VEZT: variants seen among roughly 807,000 people sequenced by gnomAD.
VEZT encodes vezatin.
VEZT carries 39 observed loss-of-function variants against 79.9 expected under a neutral mutation model. The observed-to-expected ratio is 0.49, with a 90% CI of 0.38 to 0.64. The LOEUF (loss-of-function observed/expected upper bound fraction) is 0.64, where lower values mean the gene tolerates loss of function less well. Ranked by LOEUF, VEZT falls within the 30% of genes least tolerant of loss-of-function variation. The pLI is 0.00. For missense variants in VEZT, 837 were observed against 893.1 expected, an observed-to-expected ratio of 0.94 and a Z score of 0.80; for synonymous variants, 325 against 327.6, an observed-to-expected ratio of 0.99 and a Z score of 0.09.
Position 95,302,504 on chromosome 12 carries a change from C to T in VEZT, c.*1831C>T, listed in dbSNP as rs148610067. 6 of 152,232 alleles carry T rather than the reference C, an allele frequency of 3.9e-5. No individual in the cohort carries two copies. In the East Asian group the frequency reaches 9.6e-4, roughly 24 times the overall value. 9.4% of individuals were successfully genotyped at this position (152,232 alleles called of 1,614,324 possible). The stretch of plus-strand genomic sequence containing the variant: ...TTGAAATTATGACATAAAGATCTTG[C>T]AGCTTTATTTGAGTATTTGTTCTTT... On this transcript the variant is annotated 3_prime_UTR_variant, in exon 12 of 12. Coordinates refer to ENST00000436874, the MANE Select transcript of VEZT (RefSeq NM_017599.4).
chr12:95,256,557 G>C (rs984164215), intron 2 of VEZT: 3 of 1,287,578 alleles, frequency 2.3e-6, no homozygotes, highest in Non-Finnish European at 3.0e-6. Flanking sequence ...CAGTACCTGG[G>C]ATATAGTAAT....
intron 1 of VEZT, among the ~76,000 whole-genome samples, chr12:95,243,716 G>T (rs2061347680): frequency 6.6e-6 from 1 of 152,170 alleles, no homozygotes; most frequent in South Asian, 2.1e-4. Context: ...TAAGAGGTAG[G>T]ACCTAATGGG....
At chr12:95,258,368 A>G (rs1203072980) in intron 3 of VEZT, 6 of 433,450 alleles carry the variant, frequency 1.4e-5, no homozygotes, top group African/African-American at 8.2e-5. Context: ...ATTCTGTGTC[A>G]CTGGCCACAT....
At position 95,266,372 on chromosome 12, in the gene VEZT, A is replaced by G. The variant is rs200065803; in HGVS notation, c.450A>G (p.Leu150=). 6 of 1,613,272 alleles carry G rather than the reference A, an allele frequency of 3.7e-6. No individual in the cohort carries two copies. In the Admixed American group the frequency reaches 5.0e-5, roughly 13 times the overall value. The change falls in exon 5 of 12, where the codon CTA becomes CTG. Residue 150 remains leucine, a synonymous_variant. Transcript: ENST00000436874. ...ATPNIWDLSM[L]FAFISLLVML... The stretch of plus-strand genomic sequence containing the variant: ...TTGTTCCCAGGGATCTCTCAATGCT[A>G]TTTGCCTTCATTAGCTTGCTCGTTA...
chr12:95,232,769 T>A (rs2059441177), intron 1 of VEZT, among the ~76,000 whole-genome samples: 5 of 152,128 alleles, frequency 3.3e-5, no homozygotes, highest in African/African-American at 1.2e-4. Context: ...CATTAGTTTT[T>A]GGGTTGGTTT....
At chr12:95,271,263 C>T (rs2066538825) in intron 6 of VEZT, among the ~76,000 whole-genome samples, 1 of 151,956 alleles carries the variant, frequency 6.6e-6, no homozygotes. Flanking sequence ...AGAACTTTTC[C>T]ATTTTATTCC....
intron 5 of VEZT, among the ~76,000 whole-genome samples, chr12:95,269,026 T>A (rs1399053141): frequency 6.6e-6 from 1 of 152,236 alleles, no homozygotes; most frequent in African/African-American, 2.4e-5. Flanking sequence ...ATAGATTTTT[T>A]AAAATTTGGT....
Position 95,287,553 on chromosome 12 carries a change from T to G in VEZT, c.1329-111T>G, listed in dbSNP as rs1029932919. 3.9e-6 allele frequency: 4 copies of G among 1,036,988 alleles called. No individual in the cohort carries two copies. In the African/African-American group the frequency reaches 6.5e-5, roughly 17 times the overall value. 64.2% of individuals were successfully genotyped at this position (1,036,988 alleles called of 1,614,324 possible). On this transcript the variant is annotated intron_variant, in intron 8 of 11. Transcript: ENST00000436874. ...CCTGAGCTCAAGCCATTCACCTGCC[T>G]TGGCCTCCCAAAGTGCTGAGATTTA... is the stretch of plus-strand genomic sequence containing the variant.
chr12:95,236,315 G>C (rs1427145798), intron 1 of VEZT, among the ~76,000 whole-genome samples: 10 of 152,148 alleles, frequency 6.6e-5, no homozygotes, highest in South Asian at 6.2e-4. Flanking sequence ...CGCAGGCACT[G>C]GGCAGGCTGA....
intron 8 of VEZT, chr12:95,286,465 G>A (rs2070907768): frequency 3.6e-6 from 2 of 551,452 alleles, no homozygotes; most frequent in South Asian, 2.8e-5. Flanking sequence ...GCCATCTGTG[G>A]CACCAATTAT....
intron 2 of VEZT, among the ~76,000 whole-genome samples, chr12:95,256,364 T>G (rs1296862012): frequency 6.6e-6 from 1 of 152,206 alleles, no homozygotes; most frequent in Non-Finnish European, 1.5e-5. Flanking sequence ...TCTTCCCTTC[T>G]TTGTTAAATT....
chr12:95,248,821 CAAA>C lies in VEZT; in HGVS notation c.37-3104_37-3102del, dbSNP rs3080331. 2.3e-3 allele frequency among the ~76,000 whole-genome samples: 242 copies of C among 104,670 alleles called. 5 individuals carry two copies. Among genetic ancestry groups the C allele is most frequent in the Middle Eastern group, 0.015 (3 of 206 alleles). 68.7% of individuals were successfully genotyped at this position (104,670 alleles called of 152,430 possible). On this transcript the variant is annotated intron_variant, in intron 1 of 11. Transcript: ENST00000436874. ...TGGACAACACAGTGAGACCCTATCTCAAAAAAAAAAAAAAAAAGAAAGAAAGAA... is the reference window on the plus strand; with the variant it reads ...TGGACAACACAGTGAGACCCTATCTCAAAAAAAAAAAAAAGAAAGAAAGAA...
At chr12:95,293,535 A>C (rs896981728) in intron 9 of VEZT, 2 of 152,206 alleles carry the variant, frequency 1.3e-5, no homozygotes, top group Non-Finnish European at 2.9e-5. Flanking sequence ...TCTTTAAAAG[A>C]TATTTCCTTG....
At chr12:95,297,074 G>C (rs2074306319) in intron 11 of VEZT, 1 of 152,286 alleles carries the variant, frequency 6.6e-6, no homozygotes, top group Non-Finnish European at 1.5e-5. Flanking sequence ...GTGCCTGTGG[G>C]CGTACTCCCC....
Position 95,270,153 on chromosome 12 carries a change from A to G in VEZT, c.813A>G (p.Gln271=), listed in dbSNP as rs749619830. The G allele has an allele frequency of 5.8e-5, 94 of 1,610,648 alleles. No homozygotes were observed. In the South Asian group the frequency reaches 9.3e-4, roughly 16 times the overall value. The change falls in exon 6 of 12, where the codon CAA becomes CAG. Residue 271 remains glutamine (Q), a synonymous_variant. Coordinates refer to ENST00000436874, the MANE Select transcript of VEZT (RefSeq NM_017599.4). The part of the protein sequence containing the change: ...AVYRTLRANF[Q]AARLATLYML... ...ACCGAACTCTAAGAGCCAACTTCCA[A>G]GCAGCAAGGCTAGCTACCCTATATA...
chr12:95,265,838 G>A (rs899040386), intron 4 of VEZT, among the ~76,000 whole-genome samples: 47 of 152,174 alleles, frequency 3.1e-4, no homozygotes, highest in Non-Finnish European at 1.6e-4. Flanking sequence ...AGAAGGAAGA[G>A]ATGTTCTGGT....
chr12:95,221,881 TA>T (rs1177626677), intron 1 of VEZT, among the ~76,000 whole-genome samples: 4 of 151,882 alleles, frequency 2.6e-5, no homozygotes, highest in Admixed American at 6.6e-5. Context: ...ATAATACAAA[TA>T]AAAAAACTAT....
chr12:95,223,185 T>C (rs956667272), intron 1 of VEZT, among the ~76,000 whole-genome samples: 3 of 152,176 alleles, frequency 2.0e-5, no homozygotes, highest in African/African-American at 7.2e-5. Flanking sequence ...AGTAACTATC[T>C]CGTAAGGTAG....
intron 11 of VEZT, among the ~76,000 whole-genome samples, chr12:95,297,706 T>G (rs528379845): frequency 6.6e-6 from 1 of 152,338 alleles, no homozygotes; most frequent in Non-Finnish European, 1.5e-5. Flanking sequence ...TGTTTTCAAG[T>G]CTCTTCATCA....
Sources: gnomAD v4.1 joint callset for allele counts (sites outside exome capture counted in the v4.1 genomes callset) on GRCh38, gnomAD v4.1.1 for gene constraint, MANE v1.5 for transcripts, NCBI Gene and HGNC (gene_info 2026-07-23, HGNC 2026-07-21) for gene names.